Variants in CDC14B observed in about 807,000 individuals in gnomAD.
CDC14B encodes cell division cycle 14B.
A neutral mutation model predicts 64.2 loss-of-function variants in CDC14B; 22 were observed. The observed-to-expected ratio is 0.34, with a 90% CI of 0.24 to 0.49. The LOEUF (loss-of-function observed/expected upper bound fraction) is 0.49. Among genes scored for constraint, CDC14B ranks in the 20% least tolerant of loss-of-function variants. The probability of loss-of-function intolerance (pLI) is 0.99; values close to 1 mark genes in which losing one functional copy is unlikely to be tolerated. For missense variants in CDC14B, 498 were observed against 629.9 expected (o/e 0.79, Z 2.24); for synonymous variants, 191 against 215.8 (o/e 0.89, Z 1.01).
intron 7 of CDC14B, chr9:96,538,872 C>A: frequency 2.0e-6 from 1 of 506,112 alleles, no homozygotes; most frequent in Non-Finnish European, 3.5e-6. Context: ...CTCAGGTATT[C>A]TCATCACACA....
intron 7 of CDC14B, among the ~76,000 whole-genome samples, chr9:96,536,723 A>G (rs1348319243): frequency 1.3e-5 from 2 of 152,184 alleles, no homozygotes; most frequent in Non-Finnish European, 2.9e-5. Flanking sequence ...ATGCTGCCAC[A>G]TGAAGTGCTG....
In CDC14B at chr9:96,503,790, C is replaced by CT; in HGVS notation, c.1461-2dup. ...TGTTTTAGTCCTTGAAATGGAGAGACTACAGGGGGAAAAAAAAGGATTTTT... is the reference window on the plus strand; with the variant it reads ...TGTTTTAGTCCTTGAAATGGAGAGACTTACAGGGGGAAAAAAAAGGATTTTT... On this transcript the variant is annotated splice_acceptor_variant, in intron 13 of 13. Coordinates refer to ENST00000375241, the MANE Select transcript of CDC14B (RefSeq NM_033331.4). LOFTEE classifies it high-confidence loss of function. The CT allele has an allele frequency of 6.2e-7, 1 of 1,612,842 alleles. No homozygotes were observed. Among genetic ancestry groups the CT allele is most frequent in the Non-Finnish European group, 8.5e-7 (1 of 1,179,568 alleles).
At chr9:96,603,628 A>G (rs1330134714) in intron 1 of CDC14B, among the ~76,000 whole-genome samples, 3 of 152,208 alleles carry the variant, frequency 2.0e-5, no homozygotes, top group Non-Finnish European at 2.9e-5. Flanking sequence ...TAAGCTTCCA[A>G]CGTCAAGGCT....
intron 1 of CDC14B, among the ~76,000 whole-genome samples, chr9:96,616,649 G>C (rs1037548094): frequency 6.6e-6 from 1 of 152,008 alleles, no homozygotes; most frequent in Non-Finnish European, 1.5e-5. Flanking sequence ...CCTTGAACCC[G>C]GGAGGCAGAG....
chr9:96,599,113 C>T (rs941229123), intron 1 of CDC14B, among the ~76,000 whole-genome samples: 8 of 152,192 alleles, frequency 5.3e-5, no homozygotes, highest in African/African-American at 1.9e-4. Context: ...GGTGTGGTGG[C>T]TCACACCTGT....
intron 13 of CDC14B, among the ~76,000 whole-genome samples, chr9:96,494,035 A>C (rs1003341535): frequency 1.3e-5 from 2 of 152,146 alleles, no homozygotes; most frequent in African/African-American, 4.8e-5. Flanking sequence ...CCCTGCACCT[A>C]TGGCAAAGCC....
intron 13 of CDC14B, among the ~76,000 whole-genome samples, chr9:96,508,371 CTAAA>C (rs59800786): frequency 0.79 from 119,353 of 151,842 alleles, 47,997 homozygotes; most frequent in East Asian, 0.99. Flanking sequence ...GTGTACTAAA[CTAAA>C]TGTATGACTC....
At position 96,537,708 on chromosome 9, in the gene CDC14B, T is replaced by A. The variant is rs1839479794; in HGVS notation, c.627+1370A>T. The stretch of plus-strand genomic sequence containing the variant: ...CCAATCCTATTCCTGGACTTTTAAT[T>A]TATGTAATCCAGTAAATTTTTCCCT... On this transcript the variant is annotated intron_variant, in intron 7 of 13. Transcript: ENST00000375241. Among the ~76,000 whole-genome samples, 2 of 152,302 alleles carry A rather than the reference T, an allele frequency of 1.3e-5. 1 individual carries two copies. Among genetic ancestry groups the A allele is most frequent in the Middle Eastern group, 6.8e-3 (2 of 294 alleles).
At chr9:96,586,181 G>C (rs1845447013) in intron 1 of CDC14B, among the ~76,000 whole-genome samples, 1 of 152,036 alleles carries the variant, frequency 6.6e-6, no homozygotes, top group South Asian at 2.1e-4. Flanking sequence ...AACCTGGGGT[G>C]GGGGAGGGAA....
rs527509749 is a variant in CDC14B, at chr9:96,607,483, C to T, written c.160+11736G>A. Among the ~76,000 whole-genome samples, 6 of 144,894 alleles carry T rather than the reference C, an allele frequency of 4.1e-5. No individual in the cohort carries two copies. In the South Asian group the frequency reaches 8.6e-4, roughly 21 times the overall value. On this transcript the variant is annotated intron_variant, in intron 1 of 13. Transcript: ENST00000375241. ...TCGCCCAGGCTGGAGTGCAGTGGTGCCATCTCGGCTCACTGCAAGCTCCGC... is the reference window on the plus strand; with the variant it reads ...TCGCCCAGGCTGGAGTGCAGTGGTGTCATCTCGGCTCACTGCAAGCTCCGC...
chr9:96,567,088 C>T lies in CDC14B; in HGVS notation c.161-1605G>A, dbSNP rs1051612072. ...TCCCGCTTTCTTTCCCCCCGCCTGG[C>T]CGCCCGCCTTCCTTCCCCAGCTGGG... On this transcript the variant is annotated intron_variant, in intron 1 of 13. Transcript: ENST00000375241. 9 of 847,748 alleles carry T rather than the reference C, an allele frequency of 1.1e-5. No individual in the cohort carries two copies. In the African/African-American group the frequency reaches 1.6e-4, roughly 15 times the overall value. The allele number at this position is 847,748 out of a possible 1,614,324, so 52.5% of individuals were successfully genotyped here. A position where few individuals can be genotyped will look rare whatever the true frequency, so the allele number is the denominator to read the frequency against.
intron 7 of CDC14B, among the ~76,000 whole-genome samples, chr9:96,538,328 T>C (rs1384427861): frequency 1.3e-5 from 2 of 151,786 alleles, no homozygotes; most frequent in African/African-American, 4.8e-5. Flanking sequence ...ACAGGAGAAA[T>C]AGGGATAAGA....
intron 1 of CDC14B, among the ~76,000 whole-genome samples, chr9:96,612,338 G>A (rs1847374557): frequency 6.6e-6 from 1 of 152,206 alleles, no homozygotes; most frequent in Non-Finnish European, 1.5e-5. Flanking sequence ...CGTGATGACT[G>A]TGCCTCAGCC....
At chr9:96,497,417 G>A (rs1183005170), downstream of CDC14B, among the ~76,000 whole-genome samples, 3 of 152,224 alleles carry the variant, frequency 2.0e-5, no homozygotes, top group African/African-American at 4.8e-5. Flanking sequence ...CCCAATAAAC[G>A]GATAGACACA....
At chr9:96,520,891 T>A (rs554276761) in intron 12 of CDC14B, among the ~76,000 whole-genome samples, 174 of 146,322 alleles carry the variant, frequency 1.2e-3, no homozygotes, top group African/African-American at 4.1e-3. Flanking sequence ...GAAGCACTGC[T>A]CGAGGGTGCT....
chr9:96,506,764 C>A (rs1211207866), intron 13 of CDC14B, among the ~76,000 whole-genome samples: 2 of 152,196 alleles, frequency 1.3e-5, no homozygotes, highest in African/African-American at 4.8e-5. Flanking sequence ...CTTGCTGCAA[C>A]CAGGAACCAC....
chr9:96,546,130 G>A (rs909312727), intron 5 of CDC14B, among the ~76,000 whole-genome samples: 2 of 152,028 alleles, frequency 1.3e-5, no homozygotes, highest in African/African-American at 2.4e-5. Flanking sequence ...TATTCACCAC[G>A]GCCAAAAACT....
At chr9:96,536,921 C>T (rs974051409) in intron 7 of CDC14B, among the ~76,000 whole-genome samples, 1 of 152,104 alleles carries the variant, frequency 6.6e-6, no homozygotes, top group African/African-American at 2.4e-5. Flanking sequence ...AATATATATA[C>T]TATGTTAAAA....
At chr9:96,560,583 T>A (rs893613411) in intron 4 of CDC14B, among the ~76,000 whole-genome samples, 6 of 118,592 alleles carry the variant, frequency 5.1e-5, no homozygotes, top group African/African-American at 2.4e-4. Flanking sequence ...TTTCTCTTTC[T>A]CTTTTTTTTT....
Sources: gnomAD v4.1 joint callset for allele counts (sites outside exome capture counted in the v4.1 genomes callset) on GRCh38, gnomAD v4.1.1 for gene constraint, MANE v1.5 for transcripts, NCBI Gene and HGNC (gene_info 2026-07-23, HGNC 2026-07-21) for gene names.